ERGIC1: variants seen among roughly 807,000 people sequenced by gnomAD.
ERGIC1 encodes endoplasmic reticulum-golgi intermediate compartment 1.
In ERGIC1, 19 loss-of-function variants were observed where a neutral mutation model predicts 38.3. The observed-to-expected ratio is 0.50, with a 90% confidence interval of 0.35 to 0.73. ERGIC1 has a LOEUF of 0.73. Ranked by LOEUF, ERGIC1 falls within the 30% of genes least tolerant of loss-of-function variation. The probability of loss-of-function intolerance (pLI) is 0.01; values close to 1 mark genes in which losing one functional copy is unlikely to be tolerated. For synonymous variants in ERGIC1, 124 were observed against 157.6 expected (o/e 0.79, Z 1.60); for missense variants, 294 against 389.2 (o/e 0.76, Z 2.06).
At chr5:172,856,129 C>T (rs114843752) in intron 1 of ERGIC1, among the ~76,000 whole-genome samples, 82 of 152,290 alleles carry the variant, frequency 5.4e-4, no homozygotes, top group African/African-American at 1.8e-3. Context: ...GGAAGACATG[C>T]GCCTTGTCAG....
chr5:172,862,396 C>T (rs1311966191), intron 1 of ERGIC1, among the ~76,000 whole-genome samples: 1 of 149,574 alleles, frequency 6.7e-6, no homozygotes, highest in Non-Finnish European at 1.5e-5. Flanking sequence ...TGGAGACTTC[C>T]TTACACCATC....
chr5:172,871,049 G>A (rs895804814), intron 1 of ERGIC1, among the ~76,000 whole-genome samples: 6 of 152,224 alleles, frequency 3.9e-5, no homozygotes, highest in African/African-American at 1.2e-4. Context: ...GTATTAATGA[G>A]GCAGTGTGGG....
intron 1 of ERGIC1, among the ~76,000 whole-genome samples, chr5:172,877,870 G>T (rs992860220): frequency 3.9e-5 from 6 of 152,154 alleles, no homozygotes; most frequent in Non-Finnish European, 8.8e-5. Context: ...ACCCACAGGA[G>T]ATTCAAGGAC....
At chr5:172,923,339 G>A (rs1200398998) in intron 5 of ERGIC1, among the ~76,000 whole-genome samples, 3 of 136,518 alleles carry the variant, frequency 2.2e-5, no homozygotes, top group Non-Finnish European at 4.7e-5. Context: ...CATACTAAGG[G>A]TTCTAGTCTA....
chr5:172,918,643 G>A (rs2113429053), intron 5 of ERGIC1, among the ~76,000 whole-genome samples: 1 of 152,378 alleles, frequency 6.6e-6, no homozygotes, highest in East Asian at 1.9e-4. Context: ...TGCAGAGAGT[G>A]CTCCAGAAAA....
chr5:172,899,536 C>G (rs1270795218), intron 3 of ERGIC1, among the ~76,000 whole-genome samples: 1 of 151,960 alleles, frequency 6.6e-6, no homozygotes, highest in African/African-American at 2.4e-5. Flanking sequence ...AGGCTGGTCT[C>G]GAACTCCTGA....
chr5:172,849,606 T>TG (rs903565108), intron 1 of ERGIC1, among the ~76,000 whole-genome samples: 3 of 152,058 alleles, frequency 2.0e-5, no homozygotes, highest in African/African-American at 7.2e-5. Flanking sequence ...GGTTGAGAGT[T>TG]GGGGGTCACA....
intron 5 of ERGIC1, chr5:172,922,161 T>A (rs1437029012): frequency 6.6e-6 from 1 of 152,266 alleles, no homozygotes; most frequent in Non-Finnish European, 1.5e-5. Context: ...CATCCAGGCA[T>A]CAGAGGAGGG....
At chr5:172,928,609 T>C (rs915927655) in intron 7 of ERGIC1, among the ~76,000 whole-genome samples, 15 of 150,400 alleles carry the variant, frequency 1.0e-4, no homozygotes, top group Non-Finnish European at 2.1e-4. Flanking sequence ...AGCTATAACA[T>C]GGCACTCTGC....
At chr5:172,856,130 G>T (rs535939559) in intron 1 of ERGIC1, among the ~76,000 whole-genome samples, 1 of 152,262 alleles carries the variant, frequency 6.6e-6, no homozygotes, top group South Asian at 2.1e-4. Context: ...GAAGACATGC[G>T]CCTTGTCAGT....
intron 4 of ERGIC1, among the ~76,000 whole-genome samples, chr5:172,912,688 A>G (rs774713511): frequency 2.0e-5 from 3 of 151,790 alleles, no homozygotes; most frequent in Non-Finnish European, 4.4e-5. Flanking sequence ...CGCCCAGCCA[A>G]GAAGGTGTGT....
chr5:172,848,338 G>A (rs2113531196), intron 1 of ERGIC1, among the ~76,000 whole-genome samples: 1 of 152,322 alleles, frequency 6.6e-6, no homozygotes, highest in Non-Finnish European at 1.5e-5. Flanking sequence ...ATTGTGATGA[G>A]TGCTGAGAAG....
At chr5:172,863,966 C>T (rs997151077) in intron 1 of ERGIC1, among the ~76,000 whole-genome samples, 6 of 152,150 alleles carry the variant, frequency 3.9e-5, no homozygotes, top group Admixed American at 3.3e-4. Context: ...GAGGCAGAGG[C>T]GGGCGGATCA....
chr5:172,887,137 T>C (rs1257712230), intron 1 of ERGIC1, among the ~76,000 whole-genome samples: 1 of 152,218 alleles, frequency 6.6e-6, no homozygotes, highest in Admixed American at 6.5e-5. Flanking sequence ...CATCGGCCCT[T>C]ACGCAAGGTT....
chr5:172,921,429 G>A (rs1763516803), intron 5 of ERGIC1: 1 of 152,272 alleles, frequency 6.6e-6, no homozygotes, highest in African/African-American at 2.4e-5. Context: ...CGAGGCTACA[G>A]GCTGTCAGCT....
intron 2 of ERGIC1, among the ~76,000 whole-genome samples, chr5:172,894,355 C>T (rs1159722247): frequency 6.6e-6 from 1 of 151,590 alleles, no homozygotes; most frequent in Non-Finnish European, 1.5e-5. Context: ...GCCACAACAC[C>T]TGGCTAATTT....
intron 1 of ERGIC1, among the ~76,000 whole-genome samples, chr5:172,856,423 G>T (rs1210849321): frequency 6.6e-6 from 1 of 151,252 alleles, no homozygotes; most frequent in Admixed American, 6.6e-5. Flanking sequence ...GAATCAGGGT[G>T]CTTCCTGGAG....
rs1228241305 is a variant in ERGIC1, at chr5:172,952,270, C to G, written c.*1454C>G. On this transcript the variant is annotated 3_prime_UTR_variant, in exon 10 of 10. Coordinates refer to ENST00000393784, the MANE Select transcript of ERGIC1 (RefSeq NM_001031711.3). Reference sequence around the variant, plus strand: ...TCTCTGCCATTTGTAATTTTTGGCTCTAAGCTCCGATTGGAGACGCTTCTC... The same window carrying G: ...TCTCTGCCATTTGTAATTTTTGGCTGTAAGCTCCGATTGGAGACGCTTCTC... 3 of 152,120 alleles carry G rather than the reference C, an allele frequency of 2.0e-5. No individual in the cohort carries two copies. Among genetic ancestry groups the G allele is most frequent in the South Asian group, 2.1e-4 (1 of 4,824 alleles). 9.4% of individuals were successfully genotyped at this position (152,120 alleles called of 1,614,324 possible).
At chr5:172,863,216 G>A (rs777314002) in intron 1 of ERGIC1, among the ~76,000 whole-genome samples, 2 of 152,198 alleles carry the variant, frequency 1.3e-5, no homozygotes, top group Non-Finnish European at 2.9e-5. Context: ...CTCCCATAGT[G>A]CTGGGATTAC....
Sources: gnomAD v4.1 joint callset for allele counts (sites outside exome capture counted in the v4.1 genomes callset) on GRCh38, gnomAD v4.1.1 for gene constraint, MANE v1.5 for transcripts, NCBI Gene and HGNC (gene_info 2026-07-23, HGNC 2026-07-21) for gene names.